PHLDB2: variants seen among roughly 807,000 people sequenced by gnomAD.
The protein encoded by PHLDB2 is pleckstrin homology-like domain family B member 2.
A neutral mutation model predicts 123.6 loss-of-function variants in PHLDB2; 71 were observed. The observed-to-expected ratio is 0.57, with a 90% CI of 0.47 to 0.70. The LOEUF is 0.70. Among genes scored for constraint, PHLDB2 ranks in the 30% least tolerant of loss-of-function variants. PHLDB2 has a pLI of 0.00. For synonymous variants in PHLDB2, 547 were observed against 541.6 expected (o/e 1.01, Z -0.14); for missense variants, 1,446 against 1,519.5 (o/e 0.95, Z 0.80).
intron 1 of PHLDB2, among the ~76,000 whole-genome samples, chr3:111,867,951 T>C (rs1476387189): frequency 6.6e-6 from 1 of 151,932 alleles, no homozygotes; most frequent in Non-Finnish European, 1.5e-5. Flanking sequence ...TCTGCCTGCC[T>C]CGGCCTCCTA....
At chr3:111,872,263 A>C (rs16858764) in intron 1 of PHLDB2, among the ~76,000 whole-genome samples, 1 of 152,206 alleles carries the variant, frequency 6.6e-6, no homozygotes, top group African/African-American at 2.4e-5. Flanking sequence ...TGCAGGGATC[A>C]TATAGTTTCA....
At chr3:111,939,406 AT>A (rs1414199384) in intron 6 of PHLDB2, 68 bp from the exon 7 acceptor site, 5 of 1,478,628 alleles carry the variant, frequency 3.4e-6, no homozygotes, top group Middle Eastern at 1.8e-4. Flanking sequence ...CTTTTAATAA[AT>A]GTTTCTTCAC....
intron 16 of PHLDB2, 89 bp from the exon 17 acceptor site, chr3:111,973,643 A>G: frequency 1.4e-6 from 1 of 710,912 alleles, no homozygotes; most frequent in Non-Finnish European, 2.3e-6. Flanking sequence ...TACTTTGTAA[A>G]TATTTTAATG....
At chr3:111,738,208 T>C (rs2059542064) in intron 1 of PHLDB2, among the ~76,000 whole-genome samples, 1 of 152,222 alleles carries the variant, frequency 6.6e-6, no homozygotes, top group East Asian at 1.9e-4. Flanking sequence ...ATTTTGCTTT[T>C]CTTTGCAAAA....
intron 1 of PHLDB2, among the ~76,000 whole-genome samples, chr3:111,830,280 A>G (rs968521005): frequency 2.0e-5 from 3 of 152,168 alleles, no homozygotes; most frequent in African/African-American, 7.2e-5. Context: ...TTGGAAGCAT[A>G]TATTGCTTAA....
intron 1 of PHLDB2, among the ~76,000 whole-genome samples, chr3:111,880,259 G>T (rs2065871446): frequency 6.6e-6 from 1 of 152,020 alleles, no homozygotes; most frequent in African/African-American, 2.4e-5. Flanking sequence ...ACCATAATGA[G>T]CCTGAAAGGT....
intron 12 of PHLDB2, among the ~76,000 whole-genome samples, chr3:111,954,513 G>A (rs1464524968): frequency 1.3e-5 from 2 of 152,170 alleles, no homozygotes; most frequent in Non-Finnish European, 2.9e-5. Flanking sequence ...ATACTTCATA[G>A]TTGTTATGTT....
intron 2 of PHLDB2, among the ~76,000 whole-genome samples, chr3:111,907,981 G>A (rs1361081495): frequency 1.3e-5 from 2 of 152,114 alleles, no homozygotes; most frequent in African/African-American, 4.8e-5. Flanking sequence ...ATTTTTTGTA[G>A]AGATGGGGTT....
At chr3:111,905,815 T>G (rs901436467) in intron 2 of PHLDB2, among the ~76,000 whole-genome samples, 1 of 152,190 alleles carries the variant, frequency 6.6e-6, no homozygotes, top group African/African-American at 2.4e-5. Context: ...CATTAAAAAA[T>G]AGGAATTTTT....
chr3:111,925,786 G>A (rs1368961303), intron 5 of PHLDB2, among the ~76,000 whole-genome samples: 5 of 152,198 alleles, frequency 3.3e-5, no homozygotes, highest in Non-Finnish European at 7.3e-5. Context: ...AGAAGATACG[G>A]ATGTGTGCAT....
chr3:111,771,301 A>T (rs1469599023), intron 1 of PHLDB2, among the ~76,000 whole-genome samples: 1 of 151,136 alleles, frequency 6.6e-6, no homozygotes, highest in Non-Finnish European at 1.5e-5. Flanking sequence ...TTTCTGTTAC[A>T]CTTTGGCTTT....
In PHLDB2 at chr3:111,928,798, C is replaced by T. The variant is rs539801705; in HGVS notation, c.2002-3471C>T. Among the ~76,000 whole-genome samples, 5 of 152,236 alleles carry T rather than the reference C, an allele frequency of 3.3e-5. No homozygotes were observed. In the South Asian group the frequency reaches 6.2e-4, roughly 19 times the overall value. ...ATTTGTGACCCAACTGGATTTTGCT[C>T]GTACATCAAGAGAAGACAAGTCAAA... On this transcript the variant is annotated intron_variant, in intron 5 of 17. Transcript: ENST00000431670.
Position 111,962,167 on chromosome 3 carries a change from A to C in PHLDB2, c.2932A>C (p.Thr978Pro). The change falls in exon 13 of 18, where the codon ACA becomes CCA. Residue 978 changes from threonine (T) to proline (P), a missense_variant. Thr to Pro is a conservative substitution (Grantham distance 38, BLOSUM62 -1). Around this residue, in one of 3 missense-constraint regions of PHLDB2, gnomAD observed 594 missense variants for 646.0 expected, o/e 0.92. Coordinates refer to ENST00000431670, the MANE Select transcript of PHLDB2 (RefSeq NM_001134438.2). ...HRQKSEFYNR[T>P]ASESNVYLNS... The stretch of plus-strand genomic sequence containing the variant: ...GCAGAAATCTGAATTTTATAACCGC[A>C]CAGCATCTGAATCAAATGTCTACTT... 1 of 1,585,942 alleles carries C rather than the reference A, an allele frequency of 6.3e-7. No homozygotes were observed. The highest frequency in any genetic ancestry group is 8.5e-7 in the Non-Finnish European group (1 of 1,172,306).
chr3:111,805,404 C>CA (rs1192389289), intron 1 of PHLDB2, among the ~76,000 whole-genome samples: 1 of 151,360 alleles, frequency 6.6e-6, no homozygotes, highest in Non-Finnish European at 1.5e-5. Context: ...ACTAAAAATA[C>CA]AAAAAAATTA....
intron 1 of PHLDB2, among the ~76,000 whole-genome samples, chr3:111,805,418 G>C (rs985173549): frequency 6.6e-6 from 1 of 151,662 alleles, no homozygotes; most frequent in African/African-American, 2.4e-5. Context: ...AAAATTAGCT[G>C]GGCATGGTGG....
At chr3:111,830,942 GGAAA>G (rs1402911344) in intron 1 of PHLDB2, among the ~76,000 whole-genome samples, 5 of 89,364 alleles carry the variant, frequency 5.6e-5, no homozygotes, top group East Asian at 3.5e-4. Flanking sequence ...AAGAAAAGAA[GGAAA>G]GAAAGAAAGA....
chr3:111,829,359 C>T (rs1341283473), intron 1 of PHLDB2, among the ~76,000 whole-genome samples: 1 of 150,178 alleles, frequency 6.7e-6, no homozygotes, highest in African/African-American at 2.5e-5. Flanking sequence ...CATGCTCACT[C>T]AACTCTCCCA....
chr3:111,853,396 C>T (rs2064345067), intron 2 of PHLDB2, among the ~76,000 whole-genome samples: 2 of 152,110 alleles, frequency 1.3e-5, no homozygotes, highest in Non-Finnish European at 2.9e-5. Context: ...TATCTAAGTA[C>T]TAAAAAGAGT....
chr3:111,955,125 G>T (rs1231358780), intron 12 of PHLDB2, among the ~76,000 whole-genome samples: 3 of 114,190 alleles, frequency 2.6e-5, no homozygotes, highest in Non-Finnish European at 5.3e-5. Context: ...CACATAATGT[G>T]TATTGTGTAT....
Sources: gnomAD v4.1 joint callset for allele counts (sites outside exome capture counted in the v4.1 genomes callset) on GRCh38, gnomAD v4.1.1 for gene constraint, gnomAD v4.1.1 regional missense constraint, MANE v1.5 for transcripts, NCBI Gene and HGNC (gene_info 2026-07-23, HGNC 2026-07-21) for gene names.